Variants in PDE1A observed in about 807,000 individuals in gnomAD.
PDE1A encodes the protein phosphodiesterase 1A.
Under a neutral mutation model 61.7 loss-of-function variants are expected in PDE1A, and 35 were observed. That is an observed-to-expected ratio of 0.57 (90% CI 0.43 to 0.75). The LOEUF (loss-of-function observed/expected upper bound fraction) is 0.75. Ranked by LOEUF, PDE1A falls within the 30% of genes least tolerant of loss-of-function variation. PDE1A has a pLI of 0.00. For missense variants in PDE1A, 597 were observed against 630.6 expected (o/e 0.95, Z 0.57); for synonymous variants, 232 against 213.2 (o/e 1.09, Z -0.77).
In PDE1A at chr2:182,212,536, T is replaced by G. The variant is rs1010520419; in HGVS notation, c.777-6471A>C. ...CATCTCAGTAGGGAGTGCCAGACAG[T>G]GGGCACAGGTCAGTGGGTGCGCGCA... On this transcript the variant is annotated intron_variant, in intron 7 of 13. Coordinates refer to ENST00000351439, the Ensembl canonical transcript of PDE1A. Among the ~76,000 whole-genome samples, 5 of 152,230 alleles carry G rather than the reference T, an allele frequency of 3.3e-5. No homozygotes were observed. The South Asian group carries it at 8.3e-4, about 25-fold the overall frequency.
the PDE1A span, among the ~76,000 whole-genome samples, chr2:182,661,098 G>A: frequency 1.3e-5 from 2 of 152,204 alleles, no homozygotes; most frequent in Admixed American, 1.3e-4. Context: ...TTTACGCCTA[G>A]TGAGTTGACA....
chr2:182,285,768 A>G (rs73036255), intron 1 of PDE1A, among the ~76,000 whole-genome samples: 3,605 of 152,180 alleles, frequency 0.024, 82 homozygotes, highest in African/African-American at 0.059. Flanking sequence ...GAGGAAACAC[A>G]TGGAGCAGAC....
At chr2:182,590,533 A>G in the PDE1A span, among the ~76,000 whole-genome samples, 1 of 152,316 alleles carries the variant, frequency 6.6e-6, no homozygotes, top group East Asian at 1.9e-4. Context: ...TGTGGGAATG[A>G]AATTGAAGCA....
chr2:182,547,152 T>C, the PDE1A span, among the ~76,000 whole-genome samples: 1 of 152,218 alleles, frequency 6.6e-6, no homozygotes, highest in Non-Finnish European at 1.5e-5. Context: ...AGAGCCTTCA[T>C]TAACAGCCCT....
chr2:182,673,989 CAT>C, the PDE1A span, among the ~76,000 whole-genome samples: 7,049 of 134,448 alleles, frequency 0.052, 178 homozygotes, highest in Non-Finnish European at 0.063. Context: ...AATATAACTT[CAT>C]ATATATATAT....
chr2:182,276,489 C>G (rs1693419686), intron 1 of PDE1A, among the ~76,000 whole-genome samples: 1 of 152,082 alleles, frequency 6.6e-6, no homozygotes, highest in African/African-American at 2.4e-5. Context: ...TTTCTTACGC[C>G]TGTCTTACTT....
the PDE1A span, among the ~76,000 whole-genome samples, chr2:182,603,327 T>C: frequency 6.6e-6 from 1 of 151,914 alleles, no homozygotes; most frequent in Non-Finnish European, 1.5e-5. Context: ...AAGAGGTGAG[T>C]TGAAGTTTTT....
chr2:182,518,070 G>T lies in PDE1A; in HGVS notation c.101+4206C>A, dbSNP rs557711131. Reference sequence around the variant, plus strand: ...TAGAGGAGAATCCAAAGATCAAGCTGGTATACAGTGACCCTGTGAAGGATG... The same window carrying T: ...TAGAGGAGAATCCAAAGATCAAGCTTGTATACAGTGACCCTGTGAAGGATG... On this transcript the variant is annotated intron_variant, in intron 2 of 14. Transcript: ENST00000410103. Among the ~76,000 whole-genome samples the T allele has an allele frequency of 4.6e-5, 7 of 152,198 alleles. No homozygotes were observed. In the South Asian group the frequency reaches 1.5e-3, roughly 32 times the overall value.
At chr2:182,316,020 G>A (rs1696318037) in intron 1 of PDE1A, among the ~76,000 whole-genome samples, 1 of 152,162 alleles carries the variant, frequency 6.6e-6, no homozygotes, top group African/African-American at 2.4e-5. Flanking sequence ...GAAGAATCTG[G>A]AAGTTGTGAA....
the PDE1A span, among the ~76,000 whole-genome samples, chr2:182,575,268 C>T: frequency 6.6e-6 from 1 of 152,030 alleles, no homozygotes; most frequent in Non-Finnish European, 1.5e-5. Flanking sequence ...CCTAATTGAT[C>T]TCCTGTATTC....
At chr2:182,197,828 G>C (rs1168196766) in intron 10 of PDE1A, among the ~76,000 whole-genome samples, 1 of 151,812 alleles carries the variant, frequency 6.6e-6, no homozygotes, top group Non-Finnish European at 1.5e-5. Flanking sequence ...ACTCACATAA[G>C]GAGGAAGTGT....
intron 2 of PDE1A, among the ~76,000 whole-genome samples, chr2:182,467,140 G>C (rs1686727216): frequency 6.6e-6 from 1 of 151,420 alleles, no homozygotes; most frequent in Non-Finnish European, 1.5e-5. Context: ...TGAAAGAAGG[G>C]AGGGAGAGAG....
At chr2:182,505,098 G>A (rs1669102938) in intron 2 of PDE1A, among the ~76,000 whole-genome samples, 1 of 152,112 alleles carries the variant, frequency 6.6e-6, no homozygotes, top group Non-Finnish European at 1.5e-5. Flanking sequence ...TCTCTCACAG[G>A]ACACACAGCC....
At position 182,491,796 on chromosome 2, in the gene PDE1A, C is replaced by T. The variant is rs918175318; in HGVS notation, c.101+30480G>A. Among the ~76,000 whole-genome samples the T allele has an allele frequency of 2.6e-5, 4 of 152,054 alleles. No homozygotes were observed. The South Asian group carries it at 6.2e-4, about 24-fold the overall frequency. The stretch of plus-strand genomic sequence containing the variant: ...TCCTTGACTATCATTCTCCTTATTG[C>T]TACTTAATAAAATCCTTCAAGATAC... On this transcript the variant is annotated intron_variant, in intron 2 of 14. Coordinates refer to the PDE1A transcript ENST00000410103.
chr2:182,481,618 T>C (rs1687706512), intron 2 of PDE1A, among the ~76,000 whole-genome samples: 1 of 151,920 alleles, frequency 6.6e-6, no homozygotes, highest in East Asian at 1.9e-4. Context: ...AAGGACCTGA[T>C]TTAAAGCACA....
At chr2:182,388,405 G>C (rs542289445) in intron 1 of PDE1A, among the ~76,000 whole-genome samples, 1 of 152,122 alleles carries the variant, frequency 6.6e-6, no homozygotes, top group African/African-American at 2.4e-5. Flanking sequence ...ACATTCTCCA[G>C]GACTGATTAT....
the PDE1A span, among the ~76,000 whole-genome samples, chr2:182,566,894 G>A: frequency 8.7e-4 from 133 of 152,188 alleles, no homozygotes; most frequent in African/African-American, 3.1e-3. Context: ...ACTTATTCCT[G>A]TGAATACCTA....
At chr2:182,510,566 G>A (rs1423695819) in intron 2 of PDE1A, among the ~76,000 whole-genome samples, 3 of 152,166 alleles carry the variant, frequency 2.0e-5, no homozygotes, top group African/African-American at 7.2e-5. Flanking sequence ...GGATGGACAT[G>A]GGACATGATA....
At chr2:182,186,427 C>G (rs1476639278) in intron 12 of PDE1A, 41 bp downstream of exon 12, 1 of 1,599,226 alleles carries the variant, frequency 6.3e-7, no homozygotes, top group Admixed American at 1.8e-5. Flanking sequence ...TTACTAAACA[C>G]CACAAAGATG....
Sources: allele counts gnomAD v4.1 joint callset (sites outside exome capture counted in the v4.1 genomes callset), GRCh38; gene constraint gnomAD v4.1.1; transcripts MANE v1.5; gene names NCBI Gene and HGNC (gene_info 2026-07-23, HGNC 2026-07-21).